The following NEK1 variants were observed in gnomAD, a reference collection of about 807,000 sequenced individuals.
The protein encoded by NEK1 is serine/threonine-protein kinase Nek1.
A neutral mutation model predicts 182.1 loss-of-function variants in NEK1; 137 were observed. The observed-to-expected ratio is 0.75, with a 90% CI of 0.65 to 0.87. NEK1 has a LOEUF of 0.87. Ranked by LOEUF, NEK1 falls within the 40% of genes least tolerant of loss-of-function variation. NEK1 has a pLI of 0.00. For synonymous variants in NEK1, 513 were observed against 492.2 expected (o/e 1.04, Z -0.56); for missense variants, 1,391 against 1,494.4 (o/e 0.93, Z 1.14).
intron 10 of NEK1, among the ~76,000 whole-genome samples, chr4:169,582,183 T>A (rs1396039401): frequency 1.3e-5 from 2 of 152,110 alleles, no homozygotes; most frequent in East Asian, 3.8e-4. Context: ...GAGAACTGAT[T>A]CTTGGTGAGA....
At chr4:169,576,520 G>C (rs1224068146) in intron 12 of NEK1, 1 of 155,688 alleles carries the variant, frequency 6.4e-6, no homozygotes, top group Non-Finnish European at 1.4e-5. Context: ...AAATATGACA[G>C]AGTAGATTAT....
intron 23 of NEK1, among the ~76,000 whole-genome samples, chr4:169,505,773 G>T (rs934629600): frequency 1.3e-5 from 2 of 152,082 alleles, no homozygotes; most frequent in Non-Finnish European, 2.9e-5. Flanking sequence ...CTTAAAATTG[G>T]CAGAACAGGA....
Position 169,394,260 on chromosome 4 carries a change from G to A in NEK1, c.*250C>T, listed in dbSNP as rs1421249088. The A allele has an allele frequency of 3.0e-6, 1 of 337,164 alleles. No individual in the cohort carries two copies. Among genetic ancestry groups the A allele is most frequent in the African/African-American group, 2.2e-5 (1 of 46,210 alleles). 20.9% of individuals were successfully genotyped at this position (337,164 alleles called of 1,614,324 possible). A position where few individuals can be genotyped will look rare whatever the true frequency, so the allele number is the denominator to read the frequency against. ...CTGGGTCAATGTTTCCTATGCTTTGGTTGGATGATTTAATAAAGTATATAT... is the reference window on the plus strand; with the variant it reads ...CTGGGTCAATGTTTCCTATGCTTTGATTGGATGATTTAATAAAGTATATAT... On this transcript the variant is annotated 3_prime_UTR_variant, in exon 36 of 36. Transcript: ENST00000507142.
chr4:169,487,163 T>C (rs1439579497), intron 23 of NEK1, among the ~76,000 whole-genome samples: 1 of 152,188 alleles, frequency 6.6e-6, no homozygotes, highest in African/African-American at 2.4e-5. Context: ...GATTTTTTTT[T>C]CCTTCACTTT....
At chr4:169,457,774 C>T (rs988443722) in intron 27 of NEK1, among the ~76,000 whole-genome samples, 1 of 148,778 alleles carries the variant, frequency 6.7e-6, no homozygotes, top group African/African-American at 2.5e-5. Context: ...GGGAAGAAGA[C>T]AGGCAATAAT....
chr4:169,488,638 G>A (rs180683540), intron 23 of NEK1, among the ~76,000 whole-genome samples: 2 of 152,204 alleles, frequency 1.3e-5, no homozygotes, highest in East Asian at 1.9e-4. Flanking sequence ...GGAAATATAC[G>A]TGGTTTTACT....
chr4:169,566,825 C>T (rs1242095953), intron 12 of NEK1, among the ~76,000 whole-genome samples: 1 of 151,936 alleles, frequency 6.6e-6, no homozygotes, highest in East Asian at 1.9e-4. Context: ...AGGGAAAGGC[C>T]GTGTGTGGTG....
chr4:169,600,612 A>T (rs932119462), intron 4 of NEK1, among the ~76,000 whole-genome samples: 4 of 152,192 alleles, frequency 2.6e-5, no homozygotes, highest in African/African-American at 9.7e-5. Flanking sequence ...TCTATATGAT[A>T]AAGCTAATTA....
chr4:169,424,647 A>G lies in NEK1; in HGVS notation c.3128T>C (p.Phe1043Ser). Residue 1043 changes from phenylalanine to serine, a missense_variant, in exon 31 of 36, where the codon TTT becomes TCT. By Grantham distance (155) the Phe-to-Ser change is radical (BLOSUM62 -2). Coordinates refer to ENST00000507142, the MANE Select transcript of NEK1 (RefSeq NM_001199397.3). Reference protein sequence around the residue: ...VQCSPEESFAFRSHSHLPPKN... With the variant: ...VQCSPEESFASRSHSHLPPKN... ...TGGTGGTAAATGCGAGTGAGATCGA[A>G]ATGCAAAGGATTCTTCTGGTGAACA... is the stretch of plus-strand genomic sequence containing the variant. The G allele has an allele frequency of 1.2e-6, 2 of 1,613,768 alleles. No individual in the cohort carries two copies. Among genetic ancestry groups the G allele is most frequent in the Non-Finnish European group, 8.5e-7 (1 of 1,179,726 alleles).
intron 16 of NEK1, among the ~76,000 whole-genome samples, chr4:169,556,895 T>C (rs991592151): frequency 1.3e-5 from 2 of 151,988 alleles, no homozygotes; most frequent in Non-Finnish European, 2.9e-5. Context: ...TATTTAGGTA[T>C]GGAAGGTGGA....
At chr4:169,400,869 T>C (rs1022690042) in intron 33 of NEK1, among the ~76,000 whole-genome samples, 1 of 150,232 alleles carries the variant, frequency 6.7e-6, no homozygotes, top group Non-Finnish European at 1.5e-5. Flanking sequence ...TGTATAGATA[T>C]AAAAAATAAA....
At chr4:169,555,449 G>T in intron 18 of NEK1, 1 of 373,448 alleles carries the variant, frequency 2.7e-6, no homozygotes. Flanking sequence ...TTATAATTAT[G>T]TTGGCAGAAT....
At chr4:169,567,957 G>A (rs1763991877) in intron 12 of NEK1, among the ~76,000 whole-genome samples, 1 of 152,086 alleles carries the variant, frequency 6.6e-6, no homozygotes, top group Admixed American at 6.5e-5. Context: ...GAATATTAAT[G>A]GAAAATAAGG....
intron 18 of NEK1, among the ~76,000 whole-genome samples, chr4:169,542,434 C>T (rs1426376644): frequency 1.3e-5 from 2 of 152,166 alleles, no homozygotes; most frequent in Non-Finnish European, 2.9e-5. Context: ...CAAGTCTTTG[C>T]TATTGTGAAT....
In NEK1 at chr4:169,555,769, T is replaced by C; in HGVS notation, c.1513A>G (p.Lys505Glu). ...ACCGCCTTCAATCTTTTCAAAGTTTTTCTAATATCATCAGCATCAGGAAAA... is the reference window on the plus strand; with the variant it reads ...ACCGCCTTCAATCTTTTCAAAGTTTCTCTAATATCATCAGCATCAGGAAAA... Reference protein sequence around the residue: ...HHFPDADDIRKTLKRLKAVSK... With the variant: ...HHFPDADDIRETLKRLKAVSK... Residue 505 changes from lysine to glutamate, a missense_variant, in exon 18 of 36, where the codon AAA becomes GAA. By Grantham distance (56) the Lys-to-Glu change is moderately conservative. Coordinates refer to ENST00000507142, the MANE Select transcript of NEK1 (RefSeq NM_001199397.3). The C allele has an allele frequency of 1.9e-6, 3 of 1,613,872 alleles. No homozygotes were observed. Among genetic ancestry groups the C allele is most frequent in the Non-Finnish European group, 2.5e-6 (3 of 1,179,802 alleles).
chr4:169,418,548 G>A (rs568934379), intron 31 of NEK1, among the ~76,000 whole-genome samples: 203 of 152,240 alleles, frequency 1.3e-3, no homozygotes, highest in African/African-American at 4.5e-3. Context: ...ACATAATGTG[G>A]AGAGAAATGA....
chr4:169,559,760 A>G (rs1762635249), intron 16 of NEK1, among the ~76,000 whole-genome samples: 1 of 152,242 alleles, frequency 6.6e-6, no homozygotes, highest in African/African-American at 2.4e-5. Flanking sequence ...CTGTAATCCC[A>G]GCACTTTGGG....
intron 12 of NEK1, among the ~76,000 whole-genome samples, chr4:169,573,189 C>T (rs1366599846): frequency 2.6e-5 from 4 of 152,008 alleles, no homozygotes; most frequent in African/African-American, 4.8e-5. Context: ...CAAAGTAAAA[C>T]GAAGAAAGGT....
chr4:169,466,954 A>C (rs528972529), intron 26 of NEK1, among the ~76,000 whole-genome samples: 1 of 152,068 alleles, frequency 6.6e-6, no homozygotes, highest in African/African-American at 2.4e-5. Context: ...TCACTTATAA[A>C]CAAATTTTCT....
Sources: gnomAD v4.1 joint callset for allele counts (sites outside exome capture counted in the v4.1 genomes callset) on GRCh38, gnomAD v4.1.1 for gene constraint, MANE v1.5 for transcripts, NCBI Gene and HGNC (gene_info 2026-07-23, HGNC 2026-07-21) for gene names.